SCMH1: variants seen among roughly 807,000 people sequenced by gnomAD.
SCMH1 encodes Scm polycomb group protein homolog 1.
A neutral mutation model predicts 70.8 loss-of-function variants in SCMH1; 37 were observed. The observed-to-expected ratio is 0.52, with a 90% CI of 0.40 to 0.69. The LOEUF is 0.69. SCMH1 is among the 30% of genes least tolerant of loss of function. The pLI is 0.00. For missense variants in SCMH1, 607 were observed against 827.3 expected (o/e 0.73, Z 3.27); for synonymous variants, 292 against 307.4 (o/e 0.95, Z 0.52).
At chr1:41,139,719 CAT>C (rs911781260) in intron 6 of SCMH1, among the ~76,000 whole-genome samples, 24 of 152,210 alleles carry the variant, frequency 1.6e-4, no homozygotes, top group Non-Finnish European at 2.6e-4. Flanking sequence ...GACACACACA[CAT>C]GCCTAAATTT....
chr1:41,049,908 T>C (rs779981123), intron 10 of SCMH1, among the ~76,000 whole-genome samples: 41 of 151,668 alleles, frequency 2.7e-4, no homozygotes, highest in Non-Finnish European at 5.3e-4. Flanking sequence ...TACAGAAAAT[T>C]TGCTAGGTGT....
chr1:41,136,118 A>AT (rs970323907), intron 6 of SCMH1, among the ~76,000 whole-genome samples: 52 of 150,966 alleles, frequency 3.4e-4, no homozygotes, highest in Middle Eastern at 3.4e-3. Context: ...TAATTTTGTT[A>AT]TTTTTTTTGC....
intron 1 of SCMH1, among the ~76,000 whole-genome samples, chr1:41,237,625 A>G (rs1406180239): frequency 6.6e-6 from 1 of 152,186 alleles, no homozygotes; most frequent in Admixed American, 6.5e-5. Context: ...TTACAAATAC[A>G]ATACTCAAAC....
chr1:41,051,387 T>C (rs1407520627), intron 10 of SCMH1, among the ~76,000 whole-genome samples: 1 of 152,232 alleles, frequency 6.6e-6, no homozygotes, highest in Non-Finnish European at 1.5e-5. Context: ...TTCTTATCAT[T>C]ATTGTAGAGT....
At chr1:41,066,054 C>T (rs1210889217) in intron 10 of SCMH1, among the ~76,000 whole-genome samples, 1 of 152,124 alleles carries the variant, frequency 6.6e-6, no homozygotes, top group African/African-American at 2.4e-5. Context: ...CAATTTTTGC[C>T]CTAGTCCAAG....
chr1:41,073,953 A>G (rs1041428706), intron 9 of SCMH1, among the ~76,000 whole-genome samples: 2 of 152,110 alleles, frequency 1.3e-5, no homozygotes, highest in African/African-American at 4.8e-5. Context: ...TCATCTCCAT[A>G]CTGGAACTCA....
chr1:41,208,415 T>TTA (rs1312650007), intron 1 of SCMH1, among the ~76,000 whole-genome samples: 2 of 124,648 alleles, frequency 1.6e-5, no homozygotes, highest in African/African-American at 5.9e-5. Flanking sequence ...ACCCTAAAAC[T>TTA]TAGAGTATAA....
chr1:41,095,776 T>C (rs146429922), intron 8 of SCMH1, among the ~76,000 whole-genome samples: 47 of 152,272 alleles, frequency 3.1e-4, no homozygotes, highest in Non-Finnish European at 5.7e-4. Context: ...TAAGGATACG[T>C]TCCTTGGCAT....
At position 41,178,724 on chromosome 1, in the gene SCMH1, G is replaced by A. The variant is rs548221845; in HGVS notation, c.13+7397C>T. 5.4e-3 allele frequency among the ~76,000 whole-genome samples: 823 copies of A among 152,270 alleles called. 5 individuals carry two copies. The highest frequency in any genetic ancestry group is 8.4e-3 in the Non-Finnish European group (571 of 68,018). ...TATGCACCCAATACAGGAGCACCCA[G>A]ATTCATAAAGCAAGTCCTTAGAGAC... On this transcript the variant is annotated intron_variant, in intron 2 of 14. Coordinates refer to ENST00000337495, the Ensembl canonical transcript of SCMH1.
intron 1 of SCMH1, among the ~76,000 whole-genome samples, chr1:41,194,711 C>T (rs1011328314): frequency 1.3e-5 from 2 of 152,186 alleles, no homozygotes; most frequent in Non-Finnish European, 2.9e-5. Flanking sequence ...AAAATATTTA[C>T]TGGTACATGA....
At chr1:41,147,900 C>T (rs1644727095) in intron 5 of SCMH1, among the ~76,000 whole-genome samples, 1 of 151,934 alleles carries the variant, frequency 6.6e-6, no homozygotes, top group Non-Finnish European at 1.5e-5. Flanking sequence ...ATAGCAAGCT[C>T]GATAGTAAAG....
chr1:41,179,364 A>T (rs917462620), intron 2 of SCMH1, among the ~76,000 whole-genome samples: 1 of 152,266 alleles, frequency 6.6e-6, no homozygotes, highest in Non-Finnish European at 1.5e-5. Flanking sequence ...AATAACTAAC[A>T]TCAGAGCAGA....
chr1:41,163,524 A>G (rs564331234), intron 2 of SCMH1, among the ~76,000 whole-genome samples: 6 of 152,214 alleles, frequency 3.9e-5, no homozygotes, highest in Non-Finnish European at 8.8e-5. Flanking sequence ...CAAAGAGATA[A>G]TTAAGTTAAA....
At chr1:41,044,949 G>A (rs1422849435) in intron 12 of SCMH1, among the ~76,000 whole-genome samples, 6 of 152,202 alleles carry the variant, frequency 3.9e-5, no homozygotes, top group Admixed American at 1.3e-4. Context: ...TTAAGAATTC[G>A]GAGTTCCTAT....
intron 5 of SCMH1, among the ~76,000 whole-genome samples, chr1:41,148,963 T>C (rs1644829660): frequency 6.6e-6 from 1 of 152,104 alleles, no homozygotes; most frequent in African/African-American, 2.4e-5. Context: ...GCTAATTTTT[T>C]TGTATTTTTA....
At chr1:41,097,933 T>C (rs1033334421) in intron 8 of SCMH1, among the ~76,000 whole-genome samples, 1 of 152,240 alleles carries the variant, frequency 6.6e-6, no homozygotes, top group Admixed American at 6.5e-5. Flanking sequence ...TTTCTTGACA[T>C]AGTCTCTGTG....
chr1:41,076,351 C>T (rs1199687054), intron 8 of SCMH1, among the ~76,000 whole-genome samples: 1 of 152,072 alleles, frequency 6.6e-6, no homozygotes, highest in East Asian at 1.9e-4. Context: ...AATTTTACTC[C>T]AATTATTCAT....
intron 1 of SCMH1, among the ~76,000 whole-genome samples, chr1:41,237,878 T>C (rs772698355): frequency 2.0e-5 from 3 of 152,214 alleles, no homozygotes; most frequent in Non-Finnish European, 4.4e-5. Context: ...TAGGTAAGCA[T>C]GTAAAAGGTT....
intron 2 of SCMH1, among the ~76,000 whole-genome samples, chr1:41,179,006 G>T (rs575218609): frequency 6.6e-6 from 1 of 152,286 alleles, no homozygotes; most frequent in Admixed American, 6.5e-5. Context: ...CTCAGCAAAT[G>T]TAAAAGATCA....
Sources: gnomAD v4.1 joint callset for allele counts (sites outside exome capture counted in the v4.1 genomes callset) on GRCh38, gnomAD v4.1.1 for gene constraint, MANE v1.5 for transcripts, NCBI Gene and HGNC (gene_info 2026-07-23, HGNC 2026-07-21) for gene names.